PPFIBP2: variants seen among roughly 807,000 people sequenced by gnomAD.
PPFIBP2 encodes liprin-beta-2.
Under a neutral mutation model 118.3 loss-of-function variants are expected in PPFIBP2, and 118 were observed. The observed-to-expected ratio is 1.00, with a 90% CI of 0.86 to 1.16. The LOEUF (loss-of-function observed/expected upper bound fraction) is 1.16. Among genes scored for constraint, PPFIBP2 ranks in the 50% most tolerant of loss-of-function variants. The pLI is 0.00. For synonymous variants in PPFIBP2, 414 were observed against 397.4 expected (o/e 1.04, Z -0.50); for missense variants, 1,195 against 1,073.1 (o/e 1.11, Z -1.59).
At chr11:7,516,547 A>G (rs953019190) in intron 1 of PPFIBP2, among the ~76,000 whole-genome samples, 3 of 152,124 alleles carry the variant, frequency 2.0e-5, no homozygotes, top group African/African-American at 7.2e-5. Context: ...CCAACAGACA[A>G]CATGAGGCGG....
At chr11:7,644,991 C>A (rs762955872) in intron 17 of PPFIBP2, among the ~76,000 whole-genome samples, 2 of 128,734 alleles carry the variant, frequency 1.6e-5, no homozygotes, top group Non-Finnish European at 3.1e-5. Context: ...CCCGCCACTG[C>A]ACTCCAGCCT....
At chr11:7,635,175 G>C (rs1223317734) in intron 13 of PPFIBP2, among the ~76,000 whole-genome samples, 1 of 152,158 alleles carries the variant, frequency 6.6e-6, no homozygotes, top group Non-Finnish European at 1.5e-5. Flanking sequence ...TGCCCTGATA[G>C]AGACCCTTCA....
intron 3 of PPFIBP2, chr11:7,571,961 T>C (rs955114818): frequency 1.3e-5 from 2 of 152,200 alleles, no homozygotes; most frequent in African/African-American, 4.8e-5. Flanking sequence ...AAAGATAACA[T>C]AAGCACCTCT....
Position 7,585,338 on chromosome 11 carries a change from C to T in PPFIBP2, c.280-7794C>T, listed in dbSNP as rs1857949962. ...AACCAACATGATGCTAGAGCTGTCA[C>T]ACTGGGGAGCCGACTGTTTTAGGTT... is the stretch of plus-strand genomic sequence containing the variant. On this transcript the variant is annotated intron_variant, in intron 3 of 23. Coordinates refer to ENST00000299492, the MANE Select transcript of PPFIBP2 (RefSeq NM_003621.5). 3.3e-5 allele frequency among the ~76,000 whole-genome samples: 5 copies of T among 152,344 alleles called. No individual in the cohort carries two copies. In the South Asian group the frequency reaches 1.0e-3, roughly 32 times the overall value.
intron 2 of PPFIBP2, among the ~76,000 whole-genome samples, chr11:7,562,972 T>TACACAC (rs1310851323): frequency 8.6e-5 from 8 of 92,630 alleles, no homozygotes; most frequent in African/African-American, 3.2e-4. Flanking sequence ...TATATATATA[T>TACACAC]ATATACACGC....
chr11:7,644,658 T>C (rs1852707475), intron 17 of PPFIBP2, among the ~76,000 whole-genome samples: 1 of 152,182 alleles, frequency 6.6e-6, no homozygotes, highest in Non-Finnish European at 1.5e-5. Flanking sequence ...CTCCTTTGTA[T>C]GGAGCCCTTC....
chr11:7,665,755 G>T, the PPFIBP2 span: 5 of 1,365,648 alleles, frequency 3.7e-6, no homozygotes, highest in Admixed American at 2.1e-5. Context: ...GCTCACTGCA[G>T]GGACCCTGAA....
Position 7,651,756 on chromosome 11 carries a change from C to T in PPFIBP2, c.2348C>T (p.Ala783Val). 1 of 1,614,114 alleles carries T rather than the reference C, an allele frequency of 6.2e-7. No homozygotes were observed. The highest frequency in any genetic ancestry group is 8.5e-7 in the Non-Finnish European group (1 of 1,179,956). The change falls in exon 23 of 24, where the codon GCC becomes GTC. Residue 783 changes from alanine to valine, a missense_variant. Coordinates refer to ENST00000299492, the MANE Select transcript of PPFIBP2 (RefSeq NM_003621.5). ...CGCCACCTGACCACCAAGTTCAATG[C>T]CTTGATTGGTCCGGAGGCTGAACAG... is the stretch of plus-strand genomic sequence containing the variant. ...LRRHLTTKFN[A>V]LIGPEAEQEK...
intron 3 of PPFIBP2, among the ~76,000 whole-genome samples, chr11:7,573,542 G>A (rs1184409514): frequency 6.6e-6 from 1 of 152,150 alleles, no homozygotes; most frequent in African/African-American, 2.4e-5. Context: ...AGACTACATG[G>A]CCCACCAAAC....
intron 1 of PPFIBP2, among the ~76,000 whole-genome samples, chr11:7,518,705 G>A (rs531576274): frequency 7.2e-5 from 11 of 152,122 alleles, no homozygotes; most frequent in South Asian, 2.1e-4. Flanking sequence ...AGGTAGGGTC[G>A]TCTGGAAATG....
rs756040830 is a variant in PPFIBP2 at position 7,610,329 on chromosome 11, C to T, written c.525C>T (p.Leu175=). The part of the protein sequence containing the change: ...LSRTSLETQK[L]DLMTEVSELK... ...GCACATCTCTTGAGACCCAGAAGCT[C>T]GATCTGATGACTGAAGTGTCTGAGC... is the stretch of plus-strand genomic sequence containing the variant. The change falls in exon 6 of 24, where the codon CTC becomes CTT. Residue 175 remains leucine, a synonymous_variant. Transcript: ENST00000299492. 15 of 1,614,104 alleles carry T rather than the reference C, an allele frequency of 9.3e-6. No individual in the cohort carries two copies. The highest frequency in any genetic ancestry group is 3.3e-5 in the South Asian group (3 of 91,076).
chr11:7,590,821 A>G (rs1019281197), intron 3 of PPFIBP2, among the ~76,000 whole-genome samples: 2 of 152,228 alleles, frequency 1.3e-5, no homozygotes, highest in Admixed American at 6.5e-5. Flanking sequence ...AATGAGTTCT[A>G]CTGGGCTCTG....
intron 2 of PPFIBP2, among the ~76,000 whole-genome samples, chr11:7,563,914 C>T (rs2134704090): frequency 6.6e-6 from 1 of 152,212 alleles, no homozygotes. Flanking sequence ...GCCTGTAATC[C>T]CAGCACTTTG....
chr11:7,536,252 A>T lies in PPFIBP2; in HGVS notation c.-36-13188A>T, dbSNP rs572669232. 4.6e-5 allele frequency among the ~76,000 whole-genome samples: 7 copies of T among 152,258 alleles called. No homozygotes were observed. In the South Asian group the frequency reaches 6.2e-4, roughly 14 times the overall value. On this transcript the variant is annotated intron_variant, in intron 1 of 23. Coordinates refer to ENST00000299492, the MANE Select transcript of PPFIBP2 (RefSeq NM_003621.5). ...CTAGACCGCCTCTTAAGGAAATGGG[A>T]ACACAAGCGGCTGGCTGGATGAGAG...
intron 1 of PPFIBP2, among the ~76,000 whole-genome samples, chr11:7,539,006 C>T (rs1851506069): frequency 6.6e-6 from 1 of 152,234 alleles, no homozygotes; most frequent in South Asian, 2.1e-4. Context: ...TTAGGAGTTA[C>T]TGATACTATG....
Position 7,593,143 on chromosome 11 carries a change from C to T in PPFIBP2, c.291C>T (p.Asn97=). The change falls in exon 4 of 24, where the codon AAC becomes AAT. Residue 97 remains asparagine (N), a synonymous_variant. Transcript: ENST00000299492. Reference sequence around the variant, plus strand: ...TCTGTCCTCTTTAGTCCCAGGTAAACCACCACAGTGCTGCTAGTAATGAAA... The same window carrying T: ...TCTGTCCTCTTTAGTCCCAGGTAAATCACCACAGTGCTGCTAGTAATGAAA... ...EWFEESLSQV[N]HHSAASNETY... 1 of 1,613,882 alleles carries T rather than the reference C, an allele frequency of 6.2e-7. No individual in the cohort carries two copies. Among genetic ancestry groups the T allele is most frequent in the Non-Finnish European group, 8.5e-7 (1 of 1,179,918 alleles).
intron 10 of PPFIBP2, among the ~76,000 whole-genome samples, chr11:7,630,261 G>A (rs1850579424): frequency 6.6e-6 from 1 of 152,232 alleles, no homozygotes; most frequent in Non-Finnish European, 1.5e-5. Context: ...CTGCCAGGAT[G>A]TGACTGACTG....
At chr11:7,571,260 C>T (rs898543774) in intron 3 of PPFIBP2, among the ~76,000 whole-genome samples, 1 of 152,080 alleles carries the variant, frequency 6.6e-6, no homozygotes, top group Non-Finnish European at 1.5e-5. Flanking sequence ...GCACAGCCAC[C>T]CCCCCTTCTC....
At chr11:7,544,793 A>AG (rs1457216605) in intron 1 of PPFIBP2, among the ~76,000 whole-genome samples, 23 of 151,456 alleles carry the variant, frequency 1.5e-4, no homozygotes, top group Admixed American at 1.2e-3. Flanking sequence ...AAAAAAAAAA[A>AG]AAAAATCTAC....
Sources: gnomAD v4.1 joint callset for allele counts (sites outside exome capture counted in the v4.1 genomes callset) on GRCh38, gnomAD v4.1.1 for gene constraint, MANE v1.5 for transcripts, NCBI Gene and HGNC (gene_info 2026-07-23, HGNC 2026-07-21) for gene names.